The following ADGRL3 variants were observed in gnomAD, a reference collection of about 807,000 sequenced individuals.
The protein encoded by ADGRL3 is adhesion G protein-coupled receptor L3.
Under a neutral mutation model 153.5 loss-of-function variants are expected in ADGRL3, and 62 were observed. The ratio of observed to expected loss-of-function variants is 0.40; its 90% CI spans 0.33 to 0.50. ADGRL3 has a LOEUF of 0.50. ADGRL3 is among the 20% of genes least tolerant of loss of function. The pLI is 0.47. For synonymous variants in ADGRL3, 710 were observed against 672.5 expected (o/e 1.06, Z -0.86); for missense variants, 1,641 against 1,859.4 (o/e 0.88, Z 2.16).
At chr4:61,470,609 A>C (rs2097938070) in intron 2 of ADGRL3, among the ~76,000 whole-genome samples, 1 of 151,992 alleles carries the variant, frequency 6.6e-6, no homozygotes, top group Non-Finnish European at 1.5e-5. Flanking sequence ...GAAATAATTT[A>C]ACTTTCTATA....
At chr4:61,651,118 GGAA>G (rs2094230589) in intron 5 of ADGRL3, among the ~76,000 whole-genome samples, 1 of 151,970 alleles carries the variant, frequency 6.6e-6, no homozygotes, top group African/African-American at 2.4e-5. Flanking sequence ...AAAAAGGTTC[GGAA>G]GAAAAGTTCT....
intron 17 of ADGRL3, among the ~76,000 whole-genome samples, chr4:61,976,700 C>G (rs1298145082): frequency 6.6e-6 from 1 of 152,164 alleles, no homozygotes; most frequent in Non-Finnish European, 1.5e-5. Flanking sequence ...TTCCCCTGCA[C>G]AAATTCTCTC....
At chr4:61,675,002 G>C (rs985810468) in intron 5 of ADGRL3, among the ~76,000 whole-genome samples, 1 of 151,962 alleles carries the variant, frequency 6.6e-6, no homozygotes, top group Non-Finnish European at 1.5e-5. Flanking sequence ...TTCAGGATTA[G>C]CTGTTATGCT....
intron 8 of ADGRL3, among the ~76,000 whole-genome samples, chr4:61,804,955 A>AT (rs1334517530): frequency 2.6e-5 from 3 of 115,806 alleles, no homozygotes; most frequent in African/African-American, 7.3e-5. Context: ...ATTTATTTTT[A>AT]TTTATTTATT....
Position 61,934,846 on chromosome 4 carries a change from G to T in ADGRL3, c.2119G>T (p.Val707Phe). 1.2e-6 allele frequency: 2 copies of T among 1,613,282 alleles called. No individual in the cohort carries two copies. Among genetic ancestry groups the T allele is most frequent in the Non-Finnish European group, 1.7e-6 (2 of 1,179,584 alleles). The change falls in exon 14 of 27, where the codon GTC becomes TTC. Residue 707 changes from valine to phenylalanine, a missense_variant. Physicochemically the swap from Val to Phe is conservative, Grantham distance 50. Around this residue, in one of 5 missense-constraint regions of ADGRL3, gnomAD observed 734 missense variants for 797.0 expected, o/e 0.92. Transcript: ENST00000683033. Reference sequence around the variant, plus strand: ...TCTTTTCATCCTCTTGTAGGCAATGGTCGAGACAGTTAACAACCTCCTTCA... The same window carrying T: ...TCTTTTCATCCTCTTGTAGGCAATGTTCGAGACAGTTAACAACCTCCTTCA... ...RSCRAYVQAM[V>F]ETVNNLLQPQ... is the part of the protein sequence containing the mutation.
intron 13 of ADGRL3, among the ~76,000 whole-genome samples, chr4:61,915,198 T>C (rs1320892678): frequency 6.6e-6 from 1 of 150,478 alleles, no homozygotes; most frequent in Non-Finnish European, 1.5e-5. Flanking sequence ...GGTTTATTTT[T>C]CTAAGGTTTT....
chr4:61,597,337 G>A lies in ADGRL3; in HGVS notation c.473+9897G>A, dbSNP rs114392978. On this transcript the variant is annotated intron_variant, in intron 5 of 26. Transcript: ENST00000683033. ...TACGAAAGGAGACTAGCTGTCTATG[G>A]GTTAAAAGGTGAGTAGATGATAATT... Among the ~76,000 whole-genome samples the A allele has an allele frequency of 2.9e-3, 442 of 152,170 alleles. 1 individual carries two copies. Among genetic ancestry groups the A allele is most frequent in the African/African-American group, 0.01 (416 of 41,538 alleles).
At chr4:61,973,589 A>G (rs2099037178) in intron 17 of ADGRL3, among the ~76,000 whole-genome samples, 1 of 152,126 alleles carries the variant, frequency 6.6e-6, no homozygotes, top group Non-Finnish European at 1.5e-5. Context: ...ATTTTCTGAA[A>G]CTATCTTCTG....
At chr4:61,733,700 G>T in intron 8 of ADGRL3, 146 bp downstream of exon 8, 2 of 643,038 alleles carry the variant, frequency 3.1e-6, no homozygotes, top group Non-Finnish European at 5.3e-6. Flanking sequence ...TCTAAAGAAG[G>T]TTGCTGCTGA....
chr4:61,802,827 T>A (rs1467124130), intron 8 of ADGRL3, among the ~76,000 whole-genome samples: 4 of 152,154 alleles, frequency 2.6e-5, no homozygotes, highest in Non-Finnish European at 1.5e-5. Flanking sequence ...GTGTTTTGTT[T>A]TCTATAAAGA....
intron 9 of ADGRL3, among the ~76,000 whole-genome samples, chr4:61,821,189 C>CAAAAAA (rs34391051): frequency 1.1e-4 from 12 of 107,838 alleles, no homozygotes; most frequent in African/African-American, 3.9e-4. Flanking sequence ...TGCCAATTAC[C>CAAAAAA]AAAAAAAAAA....
intron 1 of ADGRL3, among the ~76,000 whole-genome samples, chr4:61,338,662 C>T (rs2095739195): frequency 6.6e-6 from 1 of 152,060 alleles, no homozygotes; most frequent in South Asian, 2.1e-4. Flanking sequence ...TCCAGGAGAA[C>T]AATTTATCCT....
intron 5 of ADGRL3, among the ~76,000 whole-genome samples, chr4:61,640,834 T>C (rs751578939): frequency 6.6e-6 from 1 of 152,210 alleles, no homozygotes; most frequent in Non-Finnish European, 1.5e-5. Context: ...ACAAAAGTAC[T>C]TTGTCTATAA....
At chr4:61,690,676 T>G (rs1243471407) in intron 6 of ADGRL3, among the ~76,000 whole-genome samples, 2 of 152,062 alleles carry the variant, frequency 1.3e-5, no homozygotes. Context: ...GGAGAGGAAA[T>G]GTATTTATTT....
intron 25 of ADGRL3, among the ~76,000 whole-genome samples, chr4:62,058,932 G>A (rs1738539426): frequency 6.6e-6 from 1 of 152,168 alleles, no homozygotes; most frequent in Non-Finnish European, 1.5e-5. Context: ...GAAATGCAGT[G>A]CAGCTACAGA....
chr4:61,458,020 T>C (rs1301518930), intron 2 of ADGRL3, among the ~76,000 whole-genome samples: 2 of 151,852 alleles, frequency 1.3e-5, no homozygotes, highest in African/African-American at 4.8e-5. Flanking sequence ...TATTGTGAAA[T>C]GCCTTTTTGC....
intron 2 of ADGRL3, among the ~76,000 whole-genome samples, chr4:61,495,529 T>C (rs914879076): frequency 2.4e-4 from 36 of 149,306 alleles, no homozygotes; most frequent in African/African-American, 8.1e-4. Context: ...GGGAAGAGAA[T>C]GGAAGGAAGA....
chr4:61,351,765 A>C (rs958146972), intron 1 of ADGRL3, among the ~76,000 whole-genome samples: 4 of 152,088 alleles, frequency 2.6e-5, no homozygotes, highest in Non-Finnish European at 4.4e-5. Context: ...GAAAAAGAAA[A>C]AGAAAAAGAA....
At chr4:61,913,051 G>A (rs2098729260) in intron 13 of ADGRL3, among the ~76,000 whole-genome samples, 1 of 152,042 alleles carries the variant, frequency 6.6e-6, no homozygotes, top group Non-Finnish European at 1.5e-5. Flanking sequence ...ATAGAGGTGG[G>A]TTTGAAAACA....
Sources: gnomAD v4.1 joint callset for allele counts (sites outside exome capture counted in the v4.1 genomes callset) on GRCh38, gnomAD v4.1.1 for gene constraint, gnomAD v4.1.1 regional missense constraint, MANE v1.5 for transcripts, NCBI Gene and HGNC (gene_info 2026-07-23, HGNC 2026-07-21) for gene names.